The following AGBL1 variants were observed in gnomAD, a reference collection of about 807,000 sequenced individuals.
AGBL1 encodes AGBL carboxypeptidase 1.
A neutral mutation model predicts 118.9 loss-of-function variants in AGBL1; 130 were observed. The ratio of observed to expected loss-of-function variants is 1.09; its 90% CI spans 0.95 to 1.26. The LOEUF is 1.26. Among genes scored for constraint, AGBL1 ranks in the 50% most tolerant of loss-of-function variants. AGBL1 has a pLI of 0.00. For synonymous variants in AGBL1, 555 were observed against 478.9 expected (o/e 1.16, Z -2.08); for missense variants, 1,584 against 1,298.1 (o/e 1.22, Z -3.38).
intron 17 of AGBL1, among the ~76,000 whole-genome samples, chr15:86,374,451 T>G (rs1487255964): frequency 3.3e-5 from 5 of 152,224 alleles, no homozygotes; most frequent in African/African-American, 1.2e-4. Flanking sequence ...CAGCACCTTC[T>G]TTGGGGCATG....
chr15:86,677,346 C>T (rs1337528460), intron 22 of AGBL1, among the ~76,000 whole-genome samples: 2 of 152,152 alleles, frequency 1.3e-5, no homozygotes, highest in Non-Finnish European at 2.9e-5. Context: ...CCCAGTTGCT[C>T]ATTTCAGAAA....
chr15:86,782,753 T>C (rs562424198), intron 22 of AGBL1, among the ~76,000 whole-genome samples: 210 of 152,294 alleles, frequency 1.4e-3, no homozygotes, highest in Non-Finnish European at 2.2e-3. Context: ...TTAGAAAACA[T>C]TTTTATAAAT....
At chr15:86,344,183 G>T (rs2080502727) in intron 17 of AGBL1, among the ~76,000 whole-genome samples, 1 of 152,132 alleles carries the variant, frequency 6.6e-6, no homozygotes. Flanking sequence ...CTTGTACCAG[G>T]GTGATTTGGA....
At chr15:86,882,374 C>T (rs572781005) in intron 22 of AGBL1, among the ~76,000 whole-genome samples, 3 of 152,278 alleles carry the variant, frequency 2.0e-5, no homozygotes, top group South Asian at 4.1e-4. Flanking sequence ...TCTATGTACA[C>T]ATTTTATGCC....
At chr15:86,443,274 G>A (rs1289692038) in intron 18 of AGBL1, among the ~76,000 whole-genome samples, 1 of 152,148 alleles carries the variant, frequency 6.6e-6, no homozygotes, top group Non-Finnish European at 1.5e-5. Context: ...TCAGATGGAT[G>A]GGAATCTCCT....
chr15:86,970,085 A>C (rs976411760), intron 23 of AGBL1, among the ~76,000 whole-genome samples: 1 of 151,880 alleles, frequency 6.6e-6, no homozygotes, highest in Non-Finnish European at 1.5e-5. Flanking sequence ...GGAGCCCAAA[A>C]GTCTACCCAA....
chr15:86,084,821 C>T (rs1351034058), intron 1 of AGBL1, among the ~76,000 whole-genome samples: 1 of 152,154 alleles, frequency 6.6e-6, no homozygotes, highest in African/African-American at 2.4e-5. Flanking sequence ...TTCACTCATC[C>T]ACCCATTCAT....
chr15:86,949,299 A>G (rs2080855539), intron 23 of AGBL1, among the ~76,000 whole-genome samples: 2 of 152,208 alleles, frequency 1.3e-5, no homozygotes, highest in African/African-American at 4.8e-5. Context: ...GACATCAGAA[A>G]CAGTCAGGAG....
At chr15:86,754,846 A>G (rs537950258) in intron 22 of AGBL1, among the ~76,000 whole-genome samples, 22 of 152,144 alleles carry the variant, frequency 1.4e-4, no homozygotes, top group African/African-American at 4.6e-4. Flanking sequence ...AGAAAACCCA[A>G]TCTGTCCTTT....
intron 5 of AGBL1, among the ~76,000 whole-genome samples, chr15:86,186,231 G>T (rs1364584597): frequency 6.6e-6 from 1 of 151,890 alleles, no homozygotes; most frequent in Non-Finnish European, 1.5e-5. Context: ...AGGGGGCGGG[G>T]CATGGGGAGG....
intron 23 of AGBL1, among the ~76,000 whole-genome samples, chr15:86,938,076 G>T (rs1377566713): frequency 1.4e-5 from 2 of 147,224 alleles, no homozygotes; most frequent in Non-Finnish European, 1.5e-5. Context: ...CTACTTTTTT[G>T]GGGTGCAGCA....
chr15:86,426,078 A>T (rs553233064), intron 18 of AGBL1, among the ~76,000 whole-genome samples: 1 of 152,314 alleles, frequency 6.6e-6, no homozygotes, highest in East Asian at 1.9e-4. Flanking sequence ...TCTAGTATAT[A>T]GTAGAACATA....
chr15:86,208,855 A>T (rs4887415), intron 5 of AGBL1, among the ~76,000 whole-genome samples: 16 of 151,868 alleles, frequency 1.1e-4, no homozygotes, highest in African/African-American at 3.9e-4. Context: ...TTCTTGCCTT[A>T]TGCTAGCTTT....
chr15:86,554,586 T>C (rs753828492), intron 21 of AGBL1, 49 bp downstream of exon 21: 2 of 1,395,132 alleles, frequency 1.4e-6, no homozygotes, highest in Non-Finnish European at 1.9e-6. Context: ...CAACAATACA[T>C]AGAAATTATA....
chr15:86,897,764 CTTTTT>C (rs71460231), intron 22 of AGBL1, among the ~76,000 whole-genome samples: 4 of 80,622 alleles, frequency 5.0e-5, no homozygotes, highest in Non-Finnish European at 6.7e-5. Flanking sequence ...CATCTTTTAT[CTTTTT>C]TTTTTTTTTT....
At chr15:86,467,969 T>A (rs1338554615) in intron 18 of AGBL1, among the ~76,000 whole-genome samples, 1 of 152,164 alleles carries the variant, frequency 6.6e-6, no homozygotes, top group Non-Finnish European at 1.5e-5. Flanking sequence ...TCTGCTTGTT[T>A]ATTTCACCTT....
intron 17 of AGBL1, among the ~76,000 whole-genome samples, chr15:86,346,128 G>A (rs796657908): frequency 5.9e-5 from 9 of 151,382 alleles, no homozygotes; most frequent in African/African-American, 1.5e-4. Flanking sequence ...GATTACAGGC[G>A]TGTGCCACCA....
chr15:86,889,291 G>T (rs889515992), intron 22 of AGBL1, among the ~76,000 whole-genome samples: 1 of 135,248 alleles, frequency 7.4e-6, no homozygotes, highest in East Asian at 2.2e-4. Context: ...AAATTAAACT[G>T]AAATCTAAGT....
rs144857052 is a variant in AGBL1 at position 86,306,663 on chromosome 15, T to C, written c.2374+11255T>C. Among the ~76,000 whole-genome samples, 1,010 of 152,292 alleles carry C rather than the reference T, an allele frequency of 6.6e-3. 13 individuals are homozygous for C. Among genetic ancestry groups the C allele is most frequent in the African/African-American group, 0.023 (955 of 41,556 alleles). Reference sequence around the variant, plus strand: ...TATCTCTTTGATATACTGATTTCCTTTCTTTTGAGTATATATCCAGCAGTG... The same window carrying C: ...TATCTCTTTGATATACTGATTTCCTCTCTTTTGAGTATATATCCAGCAGTG... On this transcript the variant is annotated intron_variant, in intron 17 of 22. Coordinates refer to ENST00000614907, the MANE Select transcript of AGBL1 (RefSeq NM_001386094.1).
Sources: gnomAD v4.1 joint callset for allele counts (sites outside exome capture counted in the v4.1 genomes callset) on GRCh38, gnomAD v4.1.1 for gene constraint, MANE v1.5 for transcripts, NCBI Gene and HGNC (gene_info 2026-07-23, HGNC 2026-07-21) for gene names.